The following TPRX1 variants were observed in gnomAD, a reference collection of about 807,000 sequenced individuals.
The protein encoded by TPRX1 is tetra-peptide repeat homeobox protein 1.
A neutral mutation model predicts 8.1 loss-of-function variants in TPRX1; 2 were observed. The observed-to-expected ratio is 0.25, with a 90% CI of 0.10 to 0.78. TPRX1 has a LOEUF of 0.78. TPRX1 is among the 30% of genes least tolerant of loss of function. TPRX1 has a pLI of 0.70. For missense variants in TPRX1, 517 were observed against 586.9 expected (o/e 0.88, Z 1.23); for synonymous variants, 257 against 254.1 (o/e 1.01, Z -0.11).
intron 2 of TPRX1, among the ~76,000 whole-genome samples, chr19:47,809,873 G>A (rs1315893208): frequency 1.3e-5 from 2 of 152,082 alleles, no homozygotes; most frequent in African/African-American, 4.8e-5. Context: ...CTAGAGTCAG[G>A]TGGATGGAGG....
chr19:47,811,960 G>A (rs8103762), intron 2 of TPRX1, among the ~76,000 whole-genome samples: 39,292 of 151,074 alleles, frequency 0.26, 5,465 homozygotes, highest in Middle Eastern at 0.36. Flanking sequence ...TCTGCCTCCT[G>A]GGCTCAAGCA....
intron 2 of TPRX1, among the ~76,000 whole-genome samples, chr19:47,812,252 G>C (rs1453920271): frequency 6.6e-6 from 1 of 152,142 alleles, no homozygotes; most frequent in African/African-American, 2.4e-5. Context: ...TGCAGTCCTT[G>C]TTCTCAGGGA....
chr19:47,803,040 C>G lies in TPRX1; in HGVS notation c.322-60G>C, dbSNP rs934340117. 4.0e-6 allele frequency: 6 copies of G among 1,481,604 alleles called. No individual in the cohort carries two copies. In the Admixed American group the frequency reaches 6.8e-5, roughly 17 times the overall value. The allele number at this position is 1,481,604 out of a possible 1,614,324, so 91.8% of individuals were successfully genotyped here. On this transcript the variant is annotated intron_variant, in intron 3 of 3. Coordinates refer to ENST00000535759, the Ensembl canonical transcript of TPRX1. Reference sequence around the variant, plus strand: ...GGAGGGGCTCGCGCGGCCCAGTGAGCCTTTTGGGGTCGGGGCCAGCCTGAA... The same window carrying G: ...GGAGGGGCTCGCGCGGCCCAGTGAGGCTTTTGGGGTCGGGGCCAGCCTGAA...
intron 2 of TPRX1, among the ~76,000 whole-genome samples, chr19:47,815,133 T>TGC (rs1370834025): frequency 1.8e-5 from 2 of 114,014 alleles, no homozygotes; most frequent in East Asian, 2.6e-4. Flanking sequence ...TATATATATA[T>TGC]ATATATATAT....
chr19:47,802,165 TTGGAGTCTGCCTGGGCC>T lies in TPRX1; in HGVS notation c.1120_1136del (p.Gly374ArgfsTer98). 8.1e-6 allele frequency: 13 copies of T among 1,603,290 alleles called. No individual in the cohort carries two copies. The highest frequency in any genetic ancestry group is 1.0e-5 in the Non-Finnish European group (12 of 1,174,754). ...CAGGACTTAAGATGGGACCTGGGCC[TTGGAGTCTGCCTGGGCC>T]TGGGATCTGGGCTGGGCTGGGAATC... On this transcript the variant is annotated frameshift_variant, in exon 4 of 4. Transcript: ENST00000535759. LOFTEE classifies it low-confidence loss of function (END_TRUNC).
intron 2 of TPRX1, among the ~76,000 whole-genome samples, chr19:47,818,113 C>T (rs1486627726): frequency 6.6e-6 from 1 of 152,242 alleles, no homozygotes; most frequent in African/African-American, 2.4e-5. Context: ...GCTGCAATCA[C>T]AGACCCTTGG....
rs78130232 is a variant in TPRX1, at chr19:47,809,641, C to T, written c.152-5968G>A. 1.1e-3 allele frequency among the ~76,000 whole-genome samples: 174 copies of T among 152,224 alleles called. 2 individuals carry two copies. Among genetic ancestry groups the T allele is most frequent in the African/African-American group, 3.4e-3 (142 of 41,550 alleles). On this transcript the variant is annotated intron_variant, in intron 2 of 3. Transcript: ENST00000535759. ...TGCAAAAGTAATTACCCAGAGATGA[C>T]GCGGAATGTCTATTTTCTCTATTTC... is the stretch of plus-strand genomic sequence containing the variant.
chr19:47,803,033 C>T (rs975709969), intron 3 of TPRX1, 53 bp from the exon 3 acceptor site: 26 of 1,491,142 alleles, frequency 1.7e-5, no homozygotes, highest in Non-Finnish European at 2.0e-5. Flanking sequence ...TCGCGCGGCC[C>T]AGTGAGCCTT....
At chr19:47,801,714 C>T (rs981781883) in exon 4 of TPRX1, 1 of 1,540,900 alleles carries the variant, frequency 6.5e-7, no homozygotes, top group African/African-American at 1.4e-5. Context: ...AAGTCACCAG[C>T]AGTGTAGATC....
chr19:47,811,248 CCCT>C (rs1568616255), intron 2 of TPRX1, among the ~76,000 whole-genome samples: 1 of 151,870 alleles, frequency 6.6e-6, no homozygotes, highest in Non-Finnish European at 1.5e-5. Context: ...AGGTGGTCAG[CCCT>C]CCTCAGCCTC....
exon 4 of TPRX1, chr19:47,801,684 G>C: frequency 6.2e-6 from 9 of 1,447,200 alleles, no homozygotes; most frequent in African/African-American, 2.8e-5. Flanking sequence ...GTGGGTAAAG[G>C]GTGATGCATT....
intron 2 of TPRX1, among the ~76,000 whole-genome samples, chr19:47,805,717 C>T (rs996304110): frequency 2.0e-5 from 3 of 152,200 alleles, no homozygotes; most frequent in Non-Finnish European, 4.4e-5. Flanking sequence ...CCGGCTTCAT[C>T]TACAGGACAT....
At chr19:47,806,475 G>A (rs988893669) in intron 2 of TPRX1, among the ~76,000 whole-genome samples, 1 of 152,002 alleles carries the variant, frequency 6.6e-6, no homozygotes, top group Non-Finnish European at 1.5e-5. Context: ...AGCTGAGATG[G>A]TGCCACTGAA....
At chr19:47,804,329 A>C (rs1002481033) in intron 2 of TPRX1, among the ~76,000 whole-genome samples, 186 bp downstream of exon 1, 2 of 151,958 alleles carry the variant, frequency 1.3e-5, no homozygotes, top group African/African-American at 4.8e-5. Flanking sequence ...AGCTGGGATC[A>C]CAGGCGTGAG....
At chr19:47,806,587 A>G (rs1047457374) in intron 2 of TPRX1, among the ~76,000 whole-genome samples, 2 of 152,188 alleles carry the variant, frequency 1.3e-5, no homozygotes, top group Admixed American at 6.6e-5. Context: ...ATATATTTAC[A>G]CAATGGGATA....
At chr19:47,809,105 T>A (rs867144477) in intron 2 of TPRX1, among the ~76,000 whole-genome samples, 1 of 152,128 alleles carries the variant, frequency 6.6e-6, no homozygotes, top group African/African-American at 2.4e-5. Flanking sequence ...AATCCCCATG[T>A]CTGTAATAGG....
intron 2 of TPRX1, among the ~76,000 whole-genome samples, chr19:47,803,978 T>A (rs1967710414): frequency 6.6e-6 from 1 of 151,512 alleles, no homozygotes; most frequent in Non-Finnish European, 1.5e-5. Context: ...ATCCAAGGGT[T>A]ATAGGGACCC....
chr19:47,806,255 A>G (rs1032085443), intron 2 of TPRX1, among the ~76,000 whole-genome samples: 2 of 151,684 alleles, frequency 1.3e-5, no homozygotes, highest in African/African-American at 4.9e-5. Context: ...ACGGTGGCTC[A>G]CGCCTGTAAT....
rs973601946 is a variant in TPRX1, at chr19:47,804,614, G to A, written c.152-941C>T. ...GGCTCTTAAATCACTTCTCTGCTGT[G>A]CCCACCCTGGCCCACCCTGCCGGGA... On this transcript the variant is annotated intron_variant, in intron 2 of 3. Transcript: ENST00000535759. 5.3e-5 allele frequency among the ~76,000 whole-genome samples: 8 copies of A among 152,156 alleles called. No homozygotes were observed. In the East Asian group the frequency reaches 1.5e-3, roughly 29 times the overall value.
Sources: allele counts gnomAD v4.1 joint callset (sites outside exome capture counted in the v4.1 genomes callset), GRCh38; gene constraint gnomAD v4.1.1; transcripts MANE v1.5; gene names NCBI Gene and HGNC (gene_info 2026-07-23, HGNC 2026-07-21).